Variants in PEBP4 observed in about 807,000 individuals in gnomAD.
PEBP4 encodes phosphatidylethanolamine-binding protein 4.
In PEBP4, 22 loss-of-function variants were observed where a neutral mutation model predicts 23.9. That is an observed-to-expected ratio of 0.92 (90% CI 0.66 to 1.31). The LOEUF (loss-of-function observed/expected upper bound fraction) is 1.31, where lower values mean the gene tolerates loss of function less well. Among genes scored for constraint, PEBP4 ranks in the 40% most tolerant of loss-of-function variants. PEBP4 has a pLI of 0.00. For synonymous variants in PEBP4, 112 were observed against 99.3 expected (o/e 1.13, Z -0.76); for missense variants, 324 against 281.7 (o/e 1.15, Z -1.07).
chr8:22,824,472 C>T (rs140888005), intron 3 of PEBP4, among the ~76,000 whole-genome samples: 3 of 152,210 alleles, frequency 2.0e-5, no homozygotes, highest in East Asian at 1.9e-4. Flanking sequence ...GAACTGGTTT[C>T]GTGGAAGACA....
intron 6 of PEBP4, among the ~76,000 whole-genome samples, chr8:22,723,970 T>C (rs1364509224): frequency 6.6e-6 from 1 of 152,156 alleles, no homozygotes; most frequent in Non-Finnish European, 1.5e-5. Context: ...TGAGAGGAAA[T>C]GGCTGACGAC....
rs116034203 is a variant in PEBP4 at position 22,873,263 on chromosome 8, C to T, written c.258+46921G>A. Among the ~76,000 whole-genome samples the T allele has an allele frequency of 9.3e-3, 1,412 of 152,224 alleles. 17 individuals are homozygous for T. Among genetic ancestry groups the T allele is most frequent in the African/African-American group, 0.03 (1,247 of 41,536 alleles). On this transcript the variant is annotated intron_variant, in intron 3 of 6. Coordinates refer to ENST00000256404, the MANE Select transcript of PEBP4 (RefSeq NM_144962.3). The stretch of plus-strand genomic sequence containing the variant: ...ATTGTCAGCCATGGAGGAAAGGATG[C>T]GATGAAAAGATGTCTTAGGAGACAA...
At chr8:22,793,004 G>T (rs2128757252) in intron 4 of PEBP4, among the ~76,000 whole-genome samples, 1 of 152,094 alleles carries the variant, frequency 6.6e-6, no homozygotes, top group African/African-American at 2.4e-5. Flanking sequence ...TTTAAAATTG[G>T]ATTACAAAAT....
intron 3 of PEBP4, among the ~76,000 whole-genome samples, chr8:22,905,109 G>C (rs1808784685): frequency 6.6e-6 from 1 of 152,118 alleles, no homozygotes. Flanking sequence ...ACTTTTGCCT[G>C]CGGTGTATAC....
At chr8:22,883,512 T>TA (rs779806610) in intron 3 of PEBP4, among the ~76,000 whole-genome samples, 2,456 of 143,944 alleles carry the variant, frequency 0.017, 59 homozygotes, top group African/African-American at 0.058. Flanking sequence ...TCTGCACACT[T>TA]AAAAAAAAAA....
chr8:22,881,959 C>T (rs1808267355), intron 3 of PEBP4, among the ~76,000 whole-genome samples: 1 of 152,194 alleles, frequency 6.6e-6, no homozygotes, highest in South Asian at 2.1e-4. Context: ...AGAAGCCTGG[C>T]TACCTTGTGG....
rs55944201 is a variant in PEBP4, at chr8:22,806,614, C to CAAA, written c.357+11020_357+11022dup. Among the ~76,000 whole-genome samples the CAAA allele has an allele frequency of 7.6e-3, 656 of 85,838 alleles. 11 individuals carry two copies. The highest frequency in any genetic ancestry group is 0.026 in the African/African-American group (609 of 23,860). The allele number at this position is 85,838 out of a possible 152,430, so 56.3% of individuals were successfully genotyped here. A position where few individuals can be genotyped will look rare whatever the true frequency, so the allele number is the denominator to read the frequency against. Reference sequence around the variant, plus strand: ...TGGGTGACAGAGCAAGACTGTGTCTCAAAAAAAAAAAAAAAAAAAGATATA... The same window carrying CAAA: ...TGGGTGACAGAGCAAGACTGTGTCTCAAAAAAAAAAAAAAAAAAAAAAGATATA... On this transcript the variant is annotated intron_variant, in intron 4 of 6. Coordinates refer to ENST00000256404, the MANE Select transcript of PEBP4 (RefSeq NM_144962.3).
intron 2 of PEBP4, chr8:22,925,288 G>A (rs572649518): frequency 2.8e-5 from 28 of 985,356 alleles, no homozygotes; most frequent in African/African-American, 2.1e-4. Flanking sequence ...GTGTATTCTG[G>A]GAGTCCTGAG....
intron 3 of PEBP4, among the ~76,000 whole-genome samples, chr8:22,914,603 G>A (rs1240520144): frequency 6.6e-6 from 1 of 152,146 alleles, no homozygotes; most frequent in African/African-American, 2.4e-5. Flanking sequence ...TCTCTGGCTG[G>A]CTGCTGTTGA....
Position 22,860,185 on chromosome 8 carries a change from T to TATATATGTATATATATATATACAC in PEBP4, c.259-42474_259-42451dup, listed in dbSNP as rs1261001785. 8.1e-3 allele frequency among the ~76,000 whole-genome samples: 427 copies of TATATATGTATATATATATATACAC among 52,642 alleles called. 5 individuals carry two copies. Among genetic ancestry groups the TATATATGTATATATATATATACAC allele is most frequent in the Middle Eastern group, 0.015 (2 of 132 alleles). 34.5% of individuals were successfully genotyped at this position (52,642 alleles called of 152,430 possible). A position where few individuals can be genotyped will look rare whatever the true frequency, so the allele number is the denominator to read the frequency against. Reference sequence around the variant, plus strand: ...ATATATATGTATATATATATACACATATATATGTATATATATATATACACA... The same window carrying TATATATGTATATATATATATACAC: ...ATATATATGTATATATATATACACATATATATGTATATATATATATACACATATATGTATATATATATATACACA... On this transcript the variant is annotated intron_variant, in intron 3 of 6. Transcript: ENST00000256404.
intron 4 of PEBP4, among the ~76,000 whole-genome samples, chr8:22,746,898 T>C (rs989376867): frequency 1.3e-5 from 2 of 152,196 alleles, no homozygotes; most frequent in African/African-American, 4.8e-5. Context: ...TCACCCAGGC[T>C]AGAGTGCAGT....
chr8:22,784,547 G>A lies in PEBP4; in HGVS notation c.357+33090C>T, dbSNP rs78086602. Among the ~76,000 whole-genome samples, 222 of 152,330 alleles carry A rather than the reference G, an allele frequency of 1.5e-3. 7 individuals carry two copies. In the East Asian group the frequency reaches 0.032, roughly 22 times the overall value. On this transcript the variant is annotated intron_variant, in intron 4 of 6. Transcript: ENST00000256404. Reference sequence around the variant, plus strand: ...CCTGTAGCCAACCTCCCGACCTCCCGTCCCGGGAGATGTGCCAGGCTTGGG... The same window carrying A: ...CCTGTAGCCAACCTCCCGACCTCCCATCCCGGGAGATGTGCCAGGCTTGGG...
At chr8:22,819,526 A>G (rs1332484572) in intron 3 of PEBP4, among the ~76,000 whole-genome samples, 1 of 152,200 alleles carries the variant, frequency 6.6e-6, no homozygotes, top group African/African-American at 2.4e-5. Context: ...AAAAAGGGAA[A>G]TTTTGGTAGG....
At chr8:22,938,239 C>G (rs1040004978) in intron 1 of PEBP4, among the ~76,000 whole-genome samples, 3 of 151,434 alleles carry the variant, frequency 2.0e-5, no homozygotes, top group Non-Finnish European at 3.0e-5. Context: ...ACTGTGTAGA[C>G]CTCTTGTTCA....
chr8:22,850,284 G>A (rs188360062), intron 3 of PEBP4, among the ~76,000 whole-genome samples: 270 of 152,304 alleles, frequency 1.8e-3, no homozygotes, highest in African/African-American at 6.1e-3. Context: ...AAGGTGAACA[G>A]GCAAGAGTGA....
At chr8:22,808,352 C>A (rs1249061424) in intron 4 of PEBP4, among the ~76,000 whole-genome samples, 1 of 152,228 alleles carries the variant, frequency 6.6e-6, no homozygotes, top group Non-Finnish European at 1.5e-5. Context: ...TTCACCCATT[C>A]ACCCATCTCT....
At chr8:22,799,099 T>C (rs991461859) in intron 4 of PEBP4, among the ~76,000 whole-genome samples, 2 of 152,148 alleles carry the variant, frequency 1.3e-5, no homozygotes, top group African/African-American at 4.8e-5. Flanking sequence ...GCCTCCTGTT[T>C]TGGAGCAGCT....
intron 3 of PEBP4, among the ~76,000 whole-genome samples, chr8:22,818,507 G>T (rs1806793070): frequency 6.6e-6 from 1 of 152,148 alleles, no homozygotes; most frequent in South Asian, 2.1e-4. Flanking sequence ...CAAGGGGGAG[G>T]GTGGACATGG....
At chr8:22,774,633 C>G (rs962251582) in intron 4 of PEBP4, among the ~76,000 whole-genome samples, 1 of 152,204 alleles carries the variant, frequency 6.6e-6, no homozygotes, top group South Asian at 2.1e-4. Context: ...GCAAACCCAG[C>G]TGAAGTTGCT....
Sources: allele counts gnomAD v4.1 joint callset (sites outside exome capture counted in the v4.1 genomes callset), GRCh38; gene constraint gnomAD v4.1.1; transcripts MANE v1.5; gene names NCBI Gene and HGNC (gene_info 2026-07-23, HGNC 2026-07-21).